Variants in GAS2L2 observed in about 807,000 individuals in gnomAD.
The protein encoded by GAS2L2 is GAS2-like protein 2.
GAS2L2 carries 21 observed loss-of-function variants against 35.2 expected under a neutral mutation model. That is an observed-to-expected ratio of 0.60 (90% CI 0.42 to 0.86). The LOEUF (loss-of-function observed/expected upper bound fraction) is 0.86, where lower values mean the gene tolerates loss of function less well. Ranked by LOEUF, GAS2L2 falls within the 40% of genes least tolerant of loss-of-function variation. The pLI is 0.00. For synonymous variants in GAS2L2, 490 were observed against 473.2 expected (o/e 1.04, Z -0.46); for missense variants, 1,169 against 1,144.4 (o/e 1.02, Z -0.31).
Position 35,748,995 on chromosome 17 carries a change from G to A in GAS2L2, c.735+115C>T, listed in dbSNP as rs181618912. 5.1e-5 allele frequency: 33 copies of A among 650,996 alleles called. No homozygotes were observed. In the East Asian group the frequency reaches 9.0e-4, roughly 18 times the overall value. 40.3% of individuals were successfully genotyped at this position (650,996 alleles called of 1,614,324 possible). A position where few individuals can be genotyped will look rare whatever the true frequency, so the allele number is the denominator to read the frequency against. The stretch of plus-strand genomic sequence containing the variant: ...GACAAAGTCCCATATTCTGGGAGGT[G>A]TCATTGTTCCAAGCCTGGGCAAGGT... On this transcript the variant is annotated intron_variant, in intron 3 of 5. Transcript: ENST00000604641.
At chr17:35,751,133 A>G (rs1426469909) in intron 1 of GAS2L2, among the ~76,000 whole-genome samples, 1 of 152,004 alleles carries the variant, frequency 6.6e-6, no homozygotes. Context: ...TCCTGGTTTC[A>G]AGGCCAATGA....
In GAS2L2 at chr17:35,746,986, AAG is replaced by A. The variant is rs782489154; in HGVS notation, c.1085+28_1085+29del. On this transcript the variant is annotated intron_variant, in intron 5 of 5. Coordinates refer to ENST00000604641, the MANE Select transcript of GAS2L2 (RefSeq NM_139285.4). ...CTGAGAATGTGCACTCCAAAGGAAA[AAG>A]AGCCCCATCCCTGTCTCTTCCCCAT... 3 of 1,513,160 alleles carry A rather than the reference AAG, an allele frequency of 2.0e-6. No individual in the cohort carries two copies. The African/African-American group carries it at 4.2e-5, about 21-fold the overall frequency. The allele number at this position is 1,513,160 out of a possible 1,614,324, so 93.7% of individuals were successfully genotyped here. A position where few individuals can be genotyped will look rare whatever the true frequency, so the allele number is the denominator to read the frequency against.
At chr17:35,748,161 C>G (rs1355776116) in intron 3 of GAS2L2, among the ~76,000 whole-genome samples, 5 of 152,224 alleles carry the variant, frequency 3.3e-5, no homozygotes, top group African/African-American at 1.2e-4. Flanking sequence ...AGGCTGAAAG[C>G]TGTCCCACAA....
At chr17:35,749,290 C>T (rs912869524) in intron 2 of GAS2L2, 73 bp from the exon 3 acceptor site, 10 of 898,700 alleles carry the variant, frequency 1.1e-5, no homozygotes, top group Middle Eastern at 4.4e-4. Context: ...ACCTGCCCCC[C>T]AGGTCACCCC....
At chr17:35,752,326 TG>T (rs1276384509) in intron 1 of GAS2L2, 139 bp downstream of exon 1, 2 of 728,704 alleles carry the variant, frequency 2.7e-6, no homozygotes, top group Non-Finnish European at 4.5e-6. Context: ...AACTGAGGCA[TG>T]AAAAAAGAGC....
chr17:35,750,407 G>A, intron 1 of GAS2L2, 89 bp from the exon 2 acceptor site: 1 of 1,545,716 alleles, frequency 6.5e-7, no homozygotes, highest in African/African-American at 1.4e-5. Flanking sequence ...GGGGAGGAAA[G>A]CACTGGGGTC....
Position 35,745,741 on chromosome 17 carries a change from G to C in GAS2L2, c.1756C>G (p.Arg586Gly). 6.2e-7 allele frequency: 1 copy of C among 1,613,792 alleles called. No individual in the cohort carries two copies. The highest frequency in any genetic ancestry group is 1.3e-5 in the African/African-American group (1 of 75,060). The change falls in exon 6 of 6, where the codon CGG (arginine) becomes GGG (glycine). Residue 586 changes from arginine to glycine, a missense_variant. By Grantham distance (125) the Arg-to-Gly change is moderately radical. This residue lies in a region of GAS2L2 where 1,035 missense variants were observed against 976.5 expected (regional missense o/e 1.06). Coordinates refer to ENST00000604641, the MANE Select transcript of GAS2L2 (RefSeq NM_139285.4). Reference sequence around the variant, plus strand: ...CCGCCCAAGGGCAGAGGTGTGTACCGCCCCTCCTGCTCCTGTAGGCCCAGG... The same window carrying C: ...CCGCCCAAGGGCAGAGGTGTGTACCCCCCCTCCTGCTCCTGTAGGCCCAGG... ...WDLGLQEQEG[R>G]YTPLPLGGNK...
chr17:35,747,479 C>A (rs1440358336), intron 4 of GAS2L2, among the ~76,000 whole-genome samples: 1 of 152,122 alleles, frequency 6.6e-6, no homozygotes, highest in African/African-American at 2.4e-5. Flanking sequence ...TGCGGGTACA[C>A]AACTTTCCCT....
chr17:35,746,474 T>C, intron 5 of GAS2L2, 63 bp from the exon 6 acceptor site: 1 of 1,138,456 alleles, frequency 8.8e-7, no homozygotes, highest in Non-Finnish European at 1.2e-6. Context: ...TCATCTAGTG[T>C]GGTCCCTGGC....
chr17:35,748,625 G>A (rs1262658057), intron 3 of GAS2L2, among the ~76,000 whole-genome samples: 1 of 152,234 alleles, frequency 6.6e-6, no homozygotes, highest in Non-Finnish European at 1.5e-5. Context: ...TGTACCCCCA[G>A]GCAAGTGGTA....
chr17:35,750,118 G>A lies in GAS2L2; in HGVS notation c.586C>T (p.Pro196Ser), dbSNP rs782352046. 6.2e-7 allele frequency: 1 copy of A among 1,602,078 alleles called. No homozygotes were observed. Among genetic ancestry groups the A allele is most frequent in the Non-Finnish European group, 8.5e-7 (1 of 1,176,540 alleles). Residue 196 changes from proline to serine, a missense_variant, in exon 2 of 6, where the codon CCC (proline) becomes TCC (serine). Pro to Ser is a moderately conservative substitution (Grantham distance 74). Around this residue, in one of 3 missense-constraint regions of GAS2L2, gnomAD observed 1,035 missense variants for 976.5 expected, o/e 1.06. Coordinates refer to ENST00000604641, the MANE Select transcript of GAS2L2 (RefSeq NM_139285.4). The part of the protein sequence containing the change: ...PPPDPSPPAP[P>S]RRQPCHFRNL... ...CGGAAGTGGCAGGGCTGGCGCCTGGGGGGCGCTGGCGGCGAGGGGTCGGGC... is the reference window on the plus strand; with the variant it reads ...CGGAAGTGGCAGGGCTGGCGCCTGGAGGGCGCTGGCGGCGAGGGGTCGGGC...
Position 35,747,147 on chromosome 17 carries a change from T to A in GAS2L2, c.954A>T (p.Pro318=), listed in dbSNP as rs928193702. 6.2e-7 allele frequency: 1 copy of A among 1,613,278 alleles called. No homozygotes were observed. Among genetic ancestry groups the A allele is most frequent in the Non-Finnish European group, 8.5e-7 (1 of 1,179,726 alleles). Residue 318 remains proline (P), a synonymous_variant, in exon 5 of 6, where the codon CCA becomes CCT. Coordinates refer to ENST00000604641, the MANE Select transcript of GAS2L2 (RefSeq NM_139285.4). ...TMTISRSQSP[P]PPVDWKTYTS... Reference sequence around the variant, plus strand: ...TATATGTCTTCCAGTCCACAGGGGGTGGTGGGCTCTGTGAGCGGCTGATGG... The same window carrying A: ...TATATGTCTTCCAGTCCACAGGGGGAGGTGGGCTCTGTGAGCGGCTGATGG...
Position 35,744,656 on chromosome 17 carries a change from C to T in GAS2L2, c.*198G>A. 1.7e-6 allele frequency: 1 copy of T among 586,426 alleles called. No individual in the cohort carries two copies. Among genetic ancestry groups the T allele is most frequent in the Non-Finnish European group, 3.0e-6 (1 of 330,376 alleles). The allele number at this position is 586,426 out of a possible 1,614,324, so 36.3% of individuals were successfully genotyped here. A position where few individuals can be genotyped will look rare whatever the true frequency, so the allele number is the denominator to read the frequency against. On this transcript the variant is annotated 3_prime_UTR_variant, in exon 6 of 6. Transcript: ENST00000604641. ...GATGGTCCTACTGCCCCTGGCCTACCTCTGGAGTTGGAGTGAGAGCAGTGG... is the reference window on the plus strand; with the variant it reads ...GATGGTCCTACTGCCCCTGGCCTACTTCTGGAGTTGGAGTGAGAGCAGTGG...
intron 2 of GAS2L2, among the ~76,000 whole-genome samples, 160 bp downstream of exon 2, chr17:35,749,917 A>C (rs587728173): frequency 1.3e-5 from 2 of 152,146 alleles, no homozygotes; most frequent in African/African-American, 4.8e-5. Flanking sequence ...GTTGAGGCTC[A>C]GAGTGGAACC....
chr17:35,746,617 C>T (rs587752956), intron 5 of GAS2L2, among the ~76,000 whole-genome samples: 68 of 152,278 alleles, frequency 4.5e-4, no homozygotes, highest in Admixed American at 1.5e-3. Context: ...TAAGTCTATT[C>T]GCCCTTGTTC....
At chr17:35,748,012 G>A in intron 3 of GAS2L2, 67 bp from the exon 4 acceptor site, 2 of 1,198,162 alleles carry the variant, frequency 1.7e-6, no homozygotes, top group South Asian at 2.5e-5. Context: ...CCAGCTCGCG[G>A]GCTTCCGGCA....
Position 35,744,762 on chromosome 17 carries a change from G to T in GAS2L2, c.*92C>A. ...CCTGCCCAAGGCCCTGTGTGGAGGT[G>T]AGGGAACATCCCTTCTGTTCCCGCA... On this transcript the variant is annotated 3_prime_UTR_variant, in exon 6 of 6. Transcript: ENST00000604641. 1.0e-6 allele frequency: 1 copy of T among 984,062 alleles called. No individual in the cohort carries two copies. The highest frequency in any genetic ancestry group is 1.5e-6 in the Non-Finnish European group (1 of 661,038). The allele number at this position is 984,062 out of a possible 1,614,324, so 61.0% of individuals were successfully genotyped here. A position where few individuals can be genotyped will look rare whatever the true frequency, so the allele number is the denominator to read the frequency against.
intron 3 of GAS2L2, among the ~76,000 whole-genome samples, chr17:35,748,323 A>T (rs2085682443): frequency 6.6e-6 from 1 of 151,904 alleles, no homozygotes; most frequent in African/African-American, 2.4e-5. Context: ...TCCTGGTCCC[A>T]CTCCACCCTC....
chr17:35,746,274 G>T lies in GAS2L2; in HGVS notation c.1223C>A (p.Pro408His). The change falls in exon 6 of 6, where the codon CCC (proline) becomes CAC (histidine). Residue 408 changes from proline (P) to histidine (H), a missense_variant. By Grantham distance (77) the Pro-to-His change is moderately conservative. Transcript: ENST00000604641. ...AATCCTTCCCCTGGGGAGTTCAGGGGGGTATCTCTCCTCCCTCTTTCCTGA... is the reference window on the plus strand; with the variant it reads ...AATCCTTCCCCTGGGGAGTTCAGGGTGGTATCTCTCCTCCCTCTTTCCTGA... ...TSSGKREERY[P>H]PELPRGRIPT... 2 of 1,451,528 alleles carry T rather than the reference G, an allele frequency of 1.4e-6. No individual in the cohort carries two copies. Among genetic ancestry groups the T allele is most frequent in the East Asian group, 2.4e-5 (1 of 42,542 alleles). The allele number at this position is 1,451,528 out of a possible 1,614,324, so 89.9% of individuals were successfully genotyped here.
Sources: gnomAD v4.1 joint callset for allele counts (sites outside exome capture counted in the v4.1 genomes callset) on GRCh38, gnomAD v4.1.1 for gene constraint, gnomAD v4.1.1 regional missense constraint, MANE v1.5 for transcripts, NCBI Gene and HGNC (gene_info 2026-07-23, HGNC 2026-07-21) for gene names.